Variants in CCNY observed in about 807,000 individuals in gnomAD.
CCNY encodes cyclin-Y.
CCNY carries 19 observed loss-of-function variants against 42.8 expected under a neutral mutation model. The observed-to-expected ratio is 0.44, with a 90% CI of 0.31 to 0.65. The LOEUF is 0.65. CCNY is among the 30% of genes least tolerant of loss of function. The pLI, the probability that CCNY is intolerant of heterozygous loss-of-function variation, is 0.07. For synonymous variants in CCNY, 165 were observed against 162.7 expected, an observed-to-expected ratio of 1.01 and a Z score of -0.11; for missense variants, 370 against 437.3, an observed-to-expected ratio of 0.85 and a Z score of 1.37.
chr10:35,304,950 G>A (rs1285786055), intron 3 of CCNY, among the ~76,000 whole-genome samples: 6 of 152,214 alleles, frequency 3.9e-5, no homozygotes, highest in African/African-American at 1.2e-4. Context: ...TCTAAGAGTA[G>A]TGATTCTCAT....
chr10:35,265,500 A>G lies in CCNY; in HGVS notation c.-9+14874A>G, dbSNP rs532870227. Among the ~76,000 whole-genome samples the G allele has an allele frequency of 3.9e-5, 6 of 152,358 alleles. No homozygotes were observed. The South Asian group carries it at 1.0e-3, about 26-fold the overall frequency. The stretch of plus-strand genomic sequence containing the variant: ...AAACTTCACTTTGCAACTTTGGTGC[A>G]TAAATCAGTTACTTCTGTGGAGGCC... On this transcript the variant is annotated intron_variant, in intron 3 of 11. Transcript: ENST00000374706.
intron 2 of CCNY, among the ~76,000 whole-genome samples, chr10:35,494,790 T>C (rs577984875): frequency 6.6e-6 from 1 of 152,380 alleles, no homozygotes; most frequent in Admixed American, 6.5e-5. Flanking sequence ...CACATACTTA[T>C]ATACAAATAC....
chr10:35,442,390 G>T (rs1215680731), intron 1 of CCNY, among the ~76,000 whole-genome samples: 1 of 152,194 alleles, frequency 6.6e-6, no homozygotes, highest in Non-Finnish European at 1.5e-5. Flanking sequence ...TGTGCATCAG[G>T]CTCATAGTGT....
intron 3 of CCNY, among the ~76,000 whole-genome samples, chr10:35,278,678 G>T (rs1477615293): frequency 6.6e-6 from 1 of 152,116 alleles, no homozygotes. Flanking sequence ...TCTGGAGCTG[G>T]GCTGGAGATC....
At chr10:35,529,156 A>G (rs544021423) in intron 5 of CCNY, among the ~76,000 whole-genome samples, 1 of 152,288 alleles carries the variant, frequency 6.6e-6, no homozygotes, top group Non-Finnish European at 1.5e-5. Flanking sequence ...CTGTTCACAT[A>G]TAGGTTATTG....
intron 7 of CCNY, among the ~76,000 whole-genome samples, chr10:35,548,337 C>T (rs2135444492): frequency 6.7e-6 from 1 of 149,302 alleles, no homozygotes; most frequent in South Asian, 2.1e-4. Context: ...CTCGCTGTGT[C>T]ACCCAGGCTG....
intron 1 of CCNY, among the ~76,000 whole-genome samples, chr10:35,370,056 C>T (rs944091342): frequency 3.3e-5 from 5 of 152,168 alleles, no homozygotes; most frequent in South Asian, 2.1e-4. Context: ...TTCACAGTAA[C>T]CCCAGAGTTT....
At chr10:35,553,210 G>T (rs1175576672) in intron 8 of CCNY, 25 bp downstream of exon 8, 1 of 1,610,500 alleles carries the variant, frequency 6.2e-7, no homozygotes, top group African/African-American at 1.3e-5. Flanking sequence ...AGAGGGTGTT[G>T]GTCATCAGAG....
chr10:35,327,332 T>C (rs1015838537), intron 3 of CCNY, among the ~76,000 whole-genome samples: 1 of 152,204 alleles, frequency 6.6e-6, no homozygotes, highest in Non-Finnish European at 1.5e-5. Context: ...AATACAGATG[T>C]ACATCCTTAT....
chr10:35,337,116 C>T lies in CCNY; in HGVS notation c.63C>T (p.Ser21=). The T allele has an allele frequency of 3.8e-6, 6 of 1,592,994 alleles. No individual in the cohort carries two copies. Among genetic ancestry groups the T allele is most frequent in the Non-Finnish European group, 4.3e-6 (5 of 1,171,762 alleles). Reference sequence around the variant, plus strand: ...CCAAGCTCCGGAGGAATGCCCACTCCCGGCTGGAGTCCTACCGGCCAGACA... The same window carrying T: ...CCAAGCTCCGGAGGAATGCCCACTCTCGGCTGGAGTCCTACCGGCCAGACA... ...SSPKLRRNAH[S]RLESYRPDTD... Residue 21 remains serine, a synonymous_variant, in exon 1 of 10, where the codon TCC becomes TCT. Transcript: ENST00000374704.
chr10:35,282,720 CAAAAAAAAA>C (rs71033390), intron 3 of CCNY, among the ~76,000 whole-genome samples: 1 of 88,268 alleles, frequency 1.1e-5, no homozygotes, highest in Non-Finnish European at 2.3e-5. Context: ...GAGACTGTCT[CAAAAAAAAA>C]AAAAAAAAGA....
chr10:35,557,666 G>A (rs1841386739), intron 8 of CCNY, among the ~76,000 whole-genome samples: 1 of 152,168 alleles, frequency 6.6e-6, no homozygotes, highest in South Asian at 2.1e-4. Flanking sequence ...TGAGGCAGGA[G>A]AATCGCTTGA....
At chr10:35,437,047 T>C (rs575995914) in intron 1 of CCNY, among the ~76,000 whole-genome samples, 4 of 152,276 alleles carry the variant, frequency 2.6e-5, no homozygotes, top group Admixed American at 2.6e-4. Flanking sequence ...AGGGGAAATG[T>C]CAAACGCTTA....
chr10:35,341,895 G>C (rs1836189789), intron 1 of CCNY, among the ~76,000 whole-genome samples: 1 of 152,038 alleles, frequency 6.6e-6, no homozygotes, highest in African/African-American at 2.4e-5. Context: ...TTTTTTCCTT[G>C]TTTCTTTCAA....
chr10:35,551,761 G>A (rs983077180), intron 7 of CCNY, among the ~76,000 whole-genome samples: 5 of 151,996 alleles, frequency 3.3e-5, no homozygotes, highest in Middle Eastern at 3.2e-3. Context: ...GTATTACTTG[G>A]TTTTATTTTC....
At chr10:35,262,716 G>C (rs1380465600) in intron 3 of CCNY, among the ~76,000 whole-genome samples, 1 of 152,078 alleles carries the variant, frequency 6.6e-6, no homozygotes, top group African/African-American at 2.4e-5. Flanking sequence ...GGACTGGGGA[G>C]TCTAAAAGTT....
intron 4 of CCNY, among the ~76,000 whole-genome samples, chr10:35,522,695 T>C (rs772511670): frequency 4.6e-5 from 7 of 152,242 alleles, no homozygotes; most frequent in Non-Finnish European, 1.0e-4. Context: ...TGCAAAAATG[T>C]AACAGCACCC....
intron 1 of CCNY, among the ~76,000 whole-genome samples, chr10:35,471,304 G>A (rs1354778272): frequency 6.6e-6 from 1 of 152,154 alleles, no homozygotes; most frequent in Non-Finnish European, 1.5e-5. Context: ...GCTTGCTTTG[G>A]CGCCTCCTCT....
chr10:35,556,393 G>A (rs570921309), intron 8 of CCNY, among the ~76,000 whole-genome samples: 3 of 152,294 alleles, frequency 2.0e-5, no homozygotes. Context: ...AGGCAAAGTT[G>A]TAACCTGGCC....
Sources: gnomAD v4.1 joint callset for allele counts (sites outside exome capture counted in the v4.1 genomes callset) on GRCh38, gnomAD v4.1.1 for gene constraint, MANE v1.5 for transcripts, NCBI Gene and HGNC (gene_info 2026-07-23, HGNC 2026-07-21) for gene names.